The following SYN3 variants were observed in gnomAD, a reference collection of about 807,000 sequenced individuals.
SYN3 encodes synapsin-3.
SYN3 carries 35 observed loss-of-function variants against 65.8 expected under a neutral mutation model. The observed-to-expected ratio is 0.53, with a 90% CI of 0.41 to 0.70. SYN3 has a LOEUF of 0.70. Ranked by LOEUF, SYN3 falls within the 30% of genes least tolerant of loss-of-function variation. The probability of loss-of-function intolerance (pLI) is 0.00; values close to 1 mark genes in which losing one functional copy is unlikely to be tolerated. For missense variants in SYN3, 680 were observed against 749.0 expected, an observed-to-expected ratio of 0.91 and a Z score of 1.08; for synonymous variants, 270 against 292.9, an observed-to-expected ratio of 0.92 and a Z score of 0.80.
At chr22:32,985,197 G>A (rs1396038466) in intron 2 of SYN3, among the ~76,000 whole-genome samples, 2 of 152,320 alleles carry the variant, frequency 1.3e-5, no homozygotes, top group East Asian at 1.9e-4. Context: ...GGCATACAAA[G>A]CACTGAGAAT....
At chr22:32,990,272 C>T (rs1229144882) in intron 2 of SYN3, among the ~76,000 whole-genome samples, 1 of 139,072 alleles carries the variant, frequency 7.2e-6, no homozygotes, top group Non-Finnish European at 1.5e-5. Flanking sequence ...AACTACCCAT[C>T]CATGAATCCA....
At chr22:32,597,204 C>CTTTTTTTTTTTTTTTTTTTT (rs6147592) in intron 6 of SYN3, among the ~76,000 whole-genome samples, 1 of 87,372 alleles carries the variant, frequency 1.1e-5, no homozygotes, top group African/African-American at 4.0e-5. Context: ...ACATTATTCT[C>CTTTTTTTTTTTTTTTTTTTT]TTTTTTTTTT....
intron 12 of SYN3, chr22:32,519,762 C>G (rs185659570): frequency 1.3e-5 from 2 of 152,258 alleles, no homozygotes; most frequent in Non-Finnish European, 2.9e-5. Flanking sequence ...AGCCGACTGG[C>G]TGCCCGTAGG....
At chr22:32,749,786 T>C (rs1437585836) in intron 6 of SYN3, among the ~76,000 whole-genome samples, 1 of 152,236 alleles carries the variant, frequency 6.6e-6, no homozygotes, top group Non-Finnish European at 1.5e-5. Context: ...CTGGCAATGA[T>C]AAATATTCAT....
At position 32,966,508 on chromosome 22, in the gene SYN3, A is replaced by G. The variant is rs577110998; in HGVS notation, c.369+14137T>C. ...GTGTGCAGAGCTTGAGACCCCCAAA[A>G]CAAGTCTAATGCACAGGTCAGCCCT... On this transcript the variant is annotated intron_variant, in intron 3 of 13. Coordinates refer to ENST00000358763, the MANE Select transcript of SYN3 (RefSeq NM_003490.4). Among the ~76,000 whole-genome samples, 3 of 152,238 alleles carry G rather than the reference A, an allele frequency of 2.0e-5. No individual in the cohort carries two copies. The East Asian group carries it at 5.8e-4, about 29-fold the overall frequency.
intron 1 of SYN3, among the ~76,000 whole-genome samples, chr22:33,023,425 C>A (rs2053590674): frequency 6.6e-6 from 1 of 152,194 alleles, no homozygotes; most frequent in Admixed American, 6.5e-5. Flanking sequence ...GACCTTCCAC[C>A]ACGATTGTGA....
intron 9 of SYN3, among the ~76,000 whole-genome samples, chr22:32,537,768 G>C (rs2058189286): frequency 6.6e-6 from 1 of 152,166 alleles, no homozygotes; most frequent in African/African-American, 2.4e-5. Flanking sequence ...TCTACTCTCA[G>C]CTCTGTCATC....
intron 3 of SYN3, among the ~76,000 whole-genome samples, chr22:32,932,763 T>C (rs1242468444): frequency 6.6e-6 from 1 of 152,166 alleles, no homozygotes; most frequent in Non-Finnish European, 1.5e-5. Context: ...CCACCTGTCT[T>C]AGTCTCCCAA....
chr22:32,525,001 C>T (rs770267951), intron 12 of SYN3, among the ~76,000 whole-genome samples: 3 of 152,170 alleles, frequency 2.0e-5, no homozygotes, highest in South Asian at 2.1e-4. Flanking sequence ...GGCTATAGAG[C>T]GAGACTCTGT....
At chr22:33,057,090 C>T (rs751059108) in intron 1 of SYN3, among the ~76,000 whole-genome samples, 15 of 152,172 alleles carry the variant, frequency 9.9e-5, no homozygotes, top group Non-Finnish European at 1.9e-4. Context: ...GCAGGGCTCC[C>T]GGGCAGAGGG....
At chr22:32,622,248 C>G (rs190094366) in intron 6 of SYN3, among the ~76,000 whole-genome samples, 57 of 152,200 alleles carry the variant, frequency 3.7e-4, no homozygotes, top group African/African-American at 1.4e-3. Flanking sequence ...CCAACCCTGA[C>G]CTCTCTATCT....
chr22:32,641,754 C>T (rs998897184), intron 6 of SYN3, among the ~76,000 whole-genome samples: 2 of 151,546 alleles, frequency 1.3e-5, no homozygotes, highest in Admixed American at 6.6e-5. Context: ...CACATATCTG[C>T]GAATATACTA....
intron 6 of SYN3, among the ~76,000 whole-genome samples, chr22:32,780,555 C>G (rs911600587): frequency 6.6e-6 from 1 of 152,198 alleles, no homozygotes; most frequent in South Asian, 2.1e-4. Context: ...AGCCTTTCCA[C>G]AAAGAGCTTT....
chr22:32,817,332 T>G (rs2047114405), intron 6 of SYN3, among the ~76,000 whole-genome samples: 1 of 152,216 alleles, frequency 6.6e-6, no homozygotes, highest in Non-Finnish European at 1.5e-5. Flanking sequence ...GTGACCTGTT[T>G]AGCTCTGTTT....
At chr22:32,596,838 T>G in intron 6 of SYN3, 102 bp from the exon 7 acceptor site, 1 of 1,194,246 alleles carries the variant, frequency 8.4e-7, no homozygotes, top group Non-Finnish European at 1.2e-6. Context: ...TTTCATATGG[T>G]CGGGAATCCC....
At chr22:32,742,627 C>T (rs1328613810) in intron 6 of SYN3, among the ~76,000 whole-genome samples, 1 of 152,140 alleles carries the variant, frequency 6.6e-6, no homozygotes, top group East Asian at 1.9e-4. Flanking sequence ...GCAATTCAGC[C>T]AAGGTCACCC....
intron 6 of SYN3, among the ~76,000 whole-genome samples, chr22:32,647,127 T>A (rs1222156050): frequency 6.6e-6 from 1 of 152,206 alleles, no homozygotes; most frequent in Non-Finnish European, 1.5e-5. Flanking sequence ...CTCCTACTTA[T>A]ATTCTATGTC....
intron 6 of SYN3, among the ~76,000 whole-genome samples, chr22:32,842,004 G>C (rs1284652064): frequency 1.3e-5 from 2 of 152,216 alleles, no homozygotes; most frequent in Admixed American, 6.5e-5. Context: ...TGAGCACCAA[G>C]AAGGTCATGG....
At chr22:32,892,140 C>T (rs1025816526) in intron 4 of SYN3, among the ~76,000 whole-genome samples, 6 of 151,628 alleles carry the variant, frequency 4.0e-5, no homozygotes, top group African/African-American at 1.2e-4. Flanking sequence ...TAAAATAATA[C>T]AAAAAATTAG....
Sources: allele counts gnomAD v4.1 joint callset (sites outside exome capture counted in the v4.1 genomes callset), GRCh38; gene constraint gnomAD v4.1.1; transcripts MANE v1.5; gene names NCBI Gene and HGNC (gene_info 2026-07-23, HGNC 2026-07-21).